The following GRID2 variants were observed in gnomAD, a reference collection of about 807,000 sequenced individuals.
The protein encoded by GRID2 is glutamate ionotropic receptor delta type subunit 2.
In GRID2, 33 loss-of-function variants were observed where a neutral mutation model predicts 114.8. That is an observed-to-expected ratio of 0.29 (90% CI 0.22 to 0.38). The LOEUF is 0.38. Ranked by LOEUF, GRID2 falls within the 10% of genes least tolerant of loss-of-function variation. GRID2 has a pLI of 1.00. For missense variants in GRID2, 1,184 were observed against 1,257.7 expected (o/e 0.94, Z 0.89); for synonymous variants, 505 against 449.9 (o/e 1.12, Z -1.55).
At position 93,536,359 on chromosome 4, in the gene GRID2, A is replaced by G. The variant is rs1402777485; in HGVS notation, c.2193+20948A>G. 2.0e-5 allele frequency among the ~76,000 whole-genome samples: 3 copies of G among 152,072 alleles called. No individual in the cohort carries two copies. In the East Asian group the frequency reaches 5.8e-4, roughly 29 times the overall value. On this transcript the variant is annotated intron_variant, in intron 13 of 15. Coordinates refer to ENST00000282020, the MANE Select transcript of GRID2 (RefSeq NM_001510.4). ...ATGATACTGGCATAAAAACAGACAC[A>G]TAGGCTAAAGGAACAGAATAGGGAC...
chr4:92,683,168 G>A (rs972809615), intron 2 of GRID2, among the ~76,000 whole-genome samples: 3 of 151,898 alleles, frequency 2.0e-5, no homozygotes, highest in South Asian at 2.1e-4. Context: ...GCGTGGTGGC[G>A]GGCGCCTGTA....
chr4:93,618,235 G>T lies in GRID2; in HGVS notation c.2194-8034G>T, dbSNP rs190791131. 2.6e-5 allele frequency among the ~76,000 whole-genome samples: 4 copies of T among 152,328 alleles called. No homozygotes were observed. The East Asian group carries it at 7.7e-4, about 29-fold the overall frequency. On this transcript the variant is annotated intron_variant, in intron 13 of 15. Coordinates refer to ENST00000282020, the MANE Select transcript of GRID2 (RefSeq NM_001510.4). ...ATTTTTTTGGTCTCACTTGAATCCA[G>T]TTAAGTGCTCTTCTTACTTTTCTGT...
chr4:92,651,135 A>G (rs1731908430), intron 2 of GRID2, among the ~76,000 whole-genome samples: 1 of 152,134 alleles, frequency 6.6e-6, no homozygotes. Context: ...TAGTTTTGGC[A>G]GAAACATTGT....
intron 1 of GRID2, among the ~76,000 whole-genome samples, chr4:92,315,445 T>C (rs1459447553): frequency 6.6e-6 from 1 of 152,152 alleles, no homozygotes; most frequent in Non-Finnish European, 1.5e-5. Flanking sequence ...ATACAGAACA[T>C]TGAAAGATAT....
intron 1 of GRID2, among the ~76,000 whole-genome samples, chr4:93,783,381 T>C (rs1381819148): frequency 1.3e-5 from 2 of 152,246 alleles, no homozygotes; most frequent in African/African-American, 4.8e-5. Context: ...CAGAAATCCA[T>C]GTGCTTTCCT....
intron 15 of GRID2, 34 bp downstream of exon 15, chr4:93,769,484 T>C (rs1733944857): frequency 7.5e-6 from 12 of 1,608,918 alleles, no homozygotes; most frequent in South Asian, 1.1e-5. Context: ...CTAAATTGAA[T>C]CAACAAGCAG....
At chr4:92,532,097 A>T (rs1008359225) in intron 1 of GRID2, among the ~76,000 whole-genome samples, 1 of 152,164 alleles carries the variant, frequency 6.6e-6, no homozygotes. Context: ...AATCCCACTA[A>T]AACAACTTTG....
intron 8 of GRID2, among the ~76,000 whole-genome samples, chr4:93,350,791 A>C (rs1373072109): frequency 6.6e-6 from 1 of 152,116 alleles, no homozygotes; most frequent in African/African-American, 2.4e-5. Context: ...TGTTGAAATA[A>C]TTGTAACCTT....
intron 4 of GRID2, among the ~76,000 whole-genome samples, chr4:93,133,634 T>G (rs1734994248): frequency 6.6e-6 from 1 of 152,198 alleles, no homozygotes; most frequent in African/African-American, 2.4e-5. Flanking sequence ...TAAATGGATT[T>G]TTTTTTCTGT....
chr4:92,307,774 TACAC>T (rs1338852703), intron 1 of GRID2, among the ~76,000 whole-genome samples: 1 of 152,206 alleles, frequency 6.6e-6, no homozygotes, highest in Non-Finnish European at 1.5e-5. Flanking sequence ...CACACACAGA[TACAC>T]AACCATATAG....
intron 6 of GRID2, 33 bp from the exon 7 acceptor site, chr4:93,224,581 G>T (rs746058310): frequency 1.4e-6 from 2 of 1,448,954 alleles, no homozygotes; most frequent in South Asian, 2.3e-5. Flanking sequence ...TGGTGTCAAT[G>T]ATTCTAATGA....
chr4:92,702,626 A>C (rs1411380298), intron 2 of GRID2: 1 of 151,884 alleles, frequency 6.6e-6, no homozygotes, highest in African/African-American at 2.4e-5. Context: ...CAAATCCCTT[A>C]ATTTTAATTT....
intron 2 of GRID2, among the ~76,000 whole-genome samples, chr4:93,014,370 G>C (rs1439249948): frequency 6.6e-6 from 1 of 152,040 alleles, no homozygotes; most frequent in Non-Finnish European, 1.5e-5. Context: ...TTAGCAGAGG[G>C]AAATGTACAC....
At chr4:93,220,376 A>C (rs1744734501) in intron 6 of GRID2, among the ~76,000 whole-genome samples, 1 of 152,128 alleles carries the variant, frequency 6.6e-6, no homozygotes, top group South Asian at 2.1e-4. Flanking sequence ...GAGTGATGAC[A>C]CTGAAACATT....
intron 14 of GRID2, among the ~76,000 whole-genome samples, chr4:93,713,991 G>A (rs971468173): frequency 7.2e-5 from 11 of 151,808 alleles, no homozygotes; most frequent in South Asian, 2.1e-4. Context: ...GGTTTGTTAC[G>A]TAGGTAAACA....
chr4:93,381,183 T>C (rs1177550249), intron 8 of GRID2, among the ~76,000 whole-genome samples: 2 of 152,084 alleles, frequency 1.3e-5, no homozygotes, highest in Non-Finnish European at 2.9e-5. Flanking sequence ...CAAAACTCCT[T>C]TCATCATGCA....
intron 4 of GRID2, among the ~76,000 whole-genome samples, chr4:93,165,871 G>A (rs1738203104): frequency 6.6e-6 from 1 of 151,998 alleles, no homozygotes; most frequent in African/African-American, 2.4e-5. Context: ...TTTAAACACT[G>A]AAAATTAGAG....
At chr4:92,941,284 G>A (rs1187773068) in intron 2 of GRID2, among the ~76,000 whole-genome samples, 2 of 152,018 alleles carry the variant, frequency 1.3e-5, no homozygotes, top group Non-Finnish European at 2.9e-5. Context: ...ACTTCTTCCT[G>A]GTTTAGTCTT....
chr4:93,586,735 C>T (rs1737573055), intron 13 of GRID2, among the ~76,000 whole-genome samples: 1 of 152,060 alleles, frequency 6.6e-6, no homozygotes, highest in Non-Finnish European at 1.5e-5. Context: ...CCTTCTGTTC[C>T]ACTGGACCTG....
Sources: allele counts gnomAD v4.1 joint callset (sites outside exome capture counted in the v4.1 genomes callset), GRCh38; gene constraint gnomAD v4.1.1; transcripts MANE v1.5; gene names NCBI Gene and HGNC (gene_info 2026-07-23, HGNC 2026-07-21).